Variants in PTPRN2 observed in about 807,000 individuals in gnomAD.
The protein encoded by PTPRN2 is receptor-type tyrosine-protein phosphatase N2.
Under a neutral mutation model 118.8 loss-of-function variants are expected in PTPRN2, and 74 were observed. That is an observed-to-expected ratio of 0.62 (90% CI 0.52 to 0.76). The LOEUF is 0.76. Among genes scored for constraint, PTPRN2 ranks in the 30% least tolerant of loss-of-function variants. PTPRN2 has a pLI of 0.00. For synonymous variants in PTPRN2, 641 were observed against 608.0 expected (o/e 1.05, Z -0.80); for missense variants, 1,481 against 1,394.4 (o/e 1.06, Z -0.99).
intron 15 of PTPRN2, among the ~76,000 whole-genome samples, chr7:157,614,302 C>G (rs1802613365): frequency 6.6e-6 from 1 of 151,830 alleles, no homozygotes; most frequent in African/African-American, 2.4e-5. Context: ...AACGGGGGTT[C>G]TGGAAGGGGG....
intron 2 of PTPRN2, among the ~76,000 whole-genome samples, chr7:158,444,635 G>A (rs1031504417): frequency 3.3e-5 from 5 of 152,102 alleles, no homozygotes; most frequent in South Asian, 2.1e-4. Flanking sequence ...TGAAAGCCTC[G>A]GACCGTGCAG....
intron 2 of PTPRN2, among the ~76,000 whole-genome samples, chr7:158,331,302 C>T (rs1804386413): frequency 6.8e-6 from 1 of 147,288 alleles, no homozygotes; most frequent in African/African-American, 2.5e-5. Flanking sequence ...CACACCCACA[C>T]TCTCACCATA....
chr7:158,534,755 C>T (rs1243117923), intron 1 of PTPRN2, among the ~76,000 whole-genome samples: 4 of 152,204 alleles, frequency 2.6e-5, no homozygotes, highest in African/African-American at 4.8e-5. Context: ...TGCAGACCCT[C>T]TGAAGACGAG....
chr7:158,071,715 G>A (rs1371693320), intron 11 of PTPRN2, among the ~76,000 whole-genome samples: 2 of 125,608 alleles, frequency 1.6e-5, no homozygotes, highest in Admixed American at 1.6e-4. Flanking sequence ...GGTGCTCCTG[G>A]TGGTGGAGGT....
At chr7:158,328,549 C>T (rs1803840490) in intron 2 of PTPRN2, among the ~76,000 whole-genome samples, 1 of 152,198 alleles carries the variant, frequency 6.6e-6, no homozygotes, top group Non-Finnish European at 1.5e-5. Context: ...GGGAGGAGCC[C>T]CACGTCCGGG....
At chr7:158,354,926 A>C (rs1270339999) in intron 2 of PTPRN2, among the ~76,000 whole-genome samples, 1 of 152,220 alleles carries the variant, frequency 6.6e-6, no homozygotes, top group African/African-American at 2.4e-5. Context: ...AAGGAAGCAA[A>C]TAACATCTAA....
At chr7:158,208,484 CAGGAAACGGGAT>C (rs1827334759) in intron 3 of PTPRN2, among the ~76,000 whole-genome samples, 1 of 152,176 alleles carries the variant, frequency 6.6e-6, no homozygotes, top group Non-Finnish European at 1.5e-5. Flanking sequence ...CTTTACAGGC[CAGGAAACGGGAT>C]TGTTATTTAA....
At chr7:157,816,326 A>C (rs1806398375) in intron 12 of PTPRN2, among the ~76,000 whole-genome samples, 1 of 152,104 alleles carries the variant, frequency 6.6e-6, no homozygotes, top group Non-Finnish European at 1.5e-5. Flanking sequence ...CCCAGGGTGA[A>C]TGAGTGATGG....
chr7:157,713,091 A>C (rs1798730597), intron 12 of PTPRN2, among the ~76,000 whole-genome samples: 1 of 152,208 alleles, frequency 6.6e-6, no homozygotes, highest in African/African-American at 2.4e-5. Context: ...ATCCCCTGCT[A>C]TCAGCAACAC....
At position 157,671,539 on chromosome 7, in the gene PTPRN2, G is replaced by C. The variant is rs145849475; in HGVS notation, c.2001+11186C>G. On this transcript the variant is annotated intron_variant, in intron 13 of 22. Transcript: ENST00000389418. This position sits in a 1 kb window ranked among gnomAD's most constrained non-coding sequence, Gnocchi z 4.1. ...AAAGTGGGAGGGGGGGCGGTGCAAC[G>C]GAGGGAGCCGGGCAAACAAAGGCTC... Among the ~76,000 whole-genome samples, 532 of 152,240 alleles carry C rather than the reference G, an allele frequency of 3.5e-3. 6 individuals carry two copies. The highest frequency in any genetic ancestry group is 0.012 in the African/African-American group (499 of 41,532).
chr7:157,855,259 G>A (rs1343661863), intron 12 of PTPRN2, among the ~76,000 whole-genome samples: 3 of 152,136 alleles, frequency 2.0e-5, no homozygotes, highest in Non-Finnish European at 1.5e-5. Flanking sequence ...GCTGACTCTC[G>A]TGCTCTGCGG....
chr7:157,615,739 G>A lies in PTPRN2; in HGVS notation c.2344+5623C>T, dbSNP rs764409567. The A allele has an allele frequency of 5.1e-6, 2 of 393,828 alleles. No individual in the cohort carries two copies. Among genetic ancestry groups the A allele is most frequent in the African/African-American group, 2.1e-5 (1 of 48,296 alleles). 24.4% of individuals were successfully genotyped at this position (393,828 alleles called of 1,614,324 possible). A position where few individuals can be genotyped will look rare whatever the true frequency, so the allele number is the denominator to read the frequency against. On this transcript the variant is annotated intron_variant, in intron 15 of 22. Coordinates refer to ENST00000389418, the MANE Select transcript of PTPRN2 (RefSeq NM_002847.5). The surrounding 1 kb of genome is among the most constrained non-coding windows in gnomAD (Gnocchi z 4.3). ...TGACGCAGTGACTCAGGAACCACAA[G>A]CTCTGGAGGCTGAACGAGAATCGGT...
chr7:158,164,116 G>T (rs1036029965), intron 6 of PTPRN2, among the ~76,000 whole-genome samples: 3 of 152,154 alleles, frequency 2.0e-5, no homozygotes, highest in Non-Finnish European at 4.4e-5. Context: ...CGGTCAGGAC[G>T]CTTGTTCCGA....
chr7:158,209,400 C>T (rs1299772093), intron 3 of PTPRN2, among the ~76,000 whole-genome samples: 1 of 152,072 alleles, frequency 6.6e-6, no homozygotes, highest in Non-Finnish European at 1.5e-5. Context: ...GCAAGAGTAG[C>T]AGTACTTGTA....
At chr7:158,405,864 C>T in intron 2 of PTPRN2, among the ~76,000 whole-genome samples, 1 of 148,366 alleles carries the variant, frequency 6.7e-6, no homozygotes, top group Non-Finnish European at 1.5e-5. Flanking sequence ...CGCAGTGGCT[C>T]ATCCGTGAGA....
At chr7:158,365,858 A>ACACC in intron 2 of PTPRN2, among the ~76,000 whole-genome samples, 1 of 125,836 alleles carries the variant, frequency 7.9e-6, no homozygotes, top group Non-Finnish European at 1.7e-5. Context: ...ACCCACACAC[A>ACACC]CACAGCATCC....
intron 5 of PTPRN2, among the ~76,000 whole-genome samples, chr7:158,188,670 C>T (rs370431006): frequency 1.8e-4 from 25 of 140,562 alleles, no homozygotes; most frequent in Non-Finnish European, 3.2e-4. Flanking sequence ...AAGGCCGCCA[C>T]GCTCGCCCCC....
intron 11 of PTPRN2, among the ~76,000 whole-genome samples, chr7:157,908,558 G>T (rs1797907001): frequency 6.6e-6 from 1 of 152,212 alleles, no homozygotes; most frequent in South Asian, 2.1e-4. Flanking sequence ...ACGGACAAAT[G>T]TGGAGGCGCC....
At chr7:158,362,381 C>T (rs1210118811) in intron 2 of PTPRN2, among the ~76,000 whole-genome samples, 1 of 53,818 alleles carries the variant, frequency 1.9e-5, no homozygotes, top group East Asian at 4.1e-4. Flanking sequence ...ATGTCCACAA[C>T]TCATTTACTC....
Sources: allele counts gnomAD v4.1 joint callset (sites outside exome capture counted in the v4.1 genomes callset), GRCh38; gene constraint gnomAD v4.1.1; non-coding constraint Gnocchi (gnomAD v3.1); transcripts MANE v1.5; gene names NCBI Gene and HGNC (gene_info 2026-07-23, HGNC 2026-07-21).